Variants in PCLO observed in about 807,000 individuals in gnomAD.
PCLO encodes the protein protein piccolo.
Under a neutral mutation model 427.5 loss-of-function variants are expected in PCLO, and 82 were observed. The ratio of observed to expected loss-of-function variants is 0.19; its 90% CI spans 0.16 to 0.23. PCLO has a LOEUF of 0.23. Ranked by LOEUF, PCLO falls within the 10% of genes least tolerant of loss-of-function variation. The pLI, the probability that PCLO is intolerant of heterozygous loss-of-function variation, is 1.00. For synonymous variants in PCLO, 2,357 were observed against 2,155.4 expected (o/e 1.09, Z -2.59); for missense variants, 6,239 against 6,115.9 (o/e 1.02, Z -0.67).
chr7:82,969,145 T>C (rs781467227), intron 3 of PCLO, among the ~76,000 whole-genome samples: 1 of 152,194 alleles, frequency 6.6e-6, no homozygotes, highest in Non-Finnish European at 1.5e-5. Context: ...GAAAAATGTG[T>C]TGAGAAAATA....
chr7:82,874,233 G>C (rs919918980), intron 10 of PCLO, among the ~76,000 whole-genome samples: 13 of 150,576 alleles, frequency 8.6e-5, no homozygotes, highest in African/African-American at 2.9e-4. Flanking sequence ...TACTGGCATT[G>C]TGCTGGACAC....
chr7:82,973,452 A>T (rs1010133123), intron 3 of PCLO, among the ~76,000 whole-genome samples: 2 of 152,204 alleles, frequency 1.3e-5, no homozygotes, highest in Non-Finnish European at 2.9e-5. Context: ...TACAGTGTTG[A>T]GAAATAAAAA....
chr7:83,098,541 A>C (rs1198668913), intron 3 of PCLO, among the ~76,000 whole-genome samples: 1 of 152,190 alleles, frequency 6.6e-6, no homozygotes, highest in East Asian at 1.9e-4. Context: ...TCTGAATATT[A>C]GAATTTTGGA....
At chr7:83,148,459 T>C (rs1015655997) in intron 2 of PCLO, among the ~76,000 whole-genome samples, 8 of 152,234 alleles carry the variant, frequency 5.3e-5, no homozygotes, top group Non-Finnish European at 1.0e-4. Flanking sequence ...TTCACTCTCA[T>C]ATTCCCAGAG....
intron 3 of PCLO, among the ~76,000 whole-genome samples, chr7:83,090,233 C>T (rs187803789): frequency 6.6e-6 from 1 of 152,210 alleles, no homozygotes; most frequent in African/African-American, 2.4e-5. Context: ...ACCTGGGAGG[C>T]GGAGGTTGCC....
intron 3 of PCLO, among the ~76,000 whole-genome samples, chr7:83,121,416 A>G (rs766353513): frequency 5.9e-5 from 9 of 152,184 alleles, no homozygotes; most frequent in Non-Finnish European, 1.2e-4. Flanking sequence ...ATTAAAACAT[A>G]CCACCAGAAA....
At chr7:83,115,770 C>T (rs1193082862) in intron 3 of PCLO, among the ~76,000 whole-genome samples, 3 of 151,888 alleles carry the variant, frequency 2.0e-5, no homozygotes, top group Non-Finnish European at 4.4e-5. Context: ...CTTATATTTC[C>T]CCTTGCCAGT....
intron 2 of PCLO, among the ~76,000 whole-genome samples, chr7:83,151,197 T>C (rs1314392055): frequency 1.3e-5 from 2 of 152,120 alleles, no homozygotes; most frequent in African/African-American, 2.4e-5. Flanking sequence ...TTTTTTCTTA[T>C]AGGAAAAAAA....
At chr7:83,127,225 G>C (rs1005528743) in intron 3 of PCLO, among the ~76,000 whole-genome samples, 1 of 151,906 alleles carries the variant, frequency 6.6e-6, no homozygotes, top group South Asian at 2.1e-4. Flanking sequence ...AAGTCGGTGA[G>C]TGTTCACTTG....
intron 6 of PCLO, among the ~76,000 whole-genome samples, chr7:82,942,679 T>C (rs1463467620): frequency 6.6e-6 from 1 of 152,150 alleles, no homozygotes; most frequent in Non-Finnish European, 1.5e-5. Context: ...CCATAAATTA[T>C]TTTACTGACA....
intron 6 of PCLO, among the ~76,000 whole-genome samples, chr7:82,920,829 C>T (rs1794578217): frequency 6.6e-6 from 1 of 151,512 alleles, no homozygotes; most frequent in African/African-American, 2.4e-5. Flanking sequence ...CTGAGCTCAA[C>T]ATGAGGATGA....
At chr7:82,860,585 G>A (rs978176571) in intron 10 of PCLO, among the ~76,000 whole-genome samples, 12 of 151,944 alleles carry the variant, frequency 7.9e-5, no homozygotes, top group Non-Finnish European at 1.8e-4. Flanking sequence ...ACAAAGAAAA[G>A]GACAGTAATG....
intron 3 of PCLO, among the ~76,000 whole-genome samples, chr7:83,070,192 G>A (rs1279628695): frequency 6.6e-6 from 1 of 152,084 alleles, no homozygotes. Context: ...GAGGAATGAA[G>A]CCTTGTGCCA....
chr7:82,810,113 C>A (rs1330466971), intron 20 of PCLO, among the ~76,000 whole-genome samples: 1 of 150,774 alleles, frequency 6.6e-6, no homozygotes, highest in African/African-American at 2.4e-5. Flanking sequence ...AGTTGGAGAG[C>A]TCTGGGTTAT....
chr7:82,841,327 AT>A, intron 14 of PCLO, 131 bp downstream of exon 14: 1 of 656,710 alleles, frequency 1.5e-6, no homozygotes, highest in Non-Finnish European at 2.7e-6. Flanking sequence ...ATAAAATTGC[AT>A]TTTTCCTTTA....
intron 8 of PCLO, among the ~76,000 whole-genome samples, chr7:82,903,409 G>C (rs1183518771): frequency 6.6e-6 from 1 of 151,816 alleles, no homozygotes; most frequent in African/African-American, 2.4e-5. Flanking sequence ...CATTCCTTAG[G>C]GTAGAAGAAG....
intron 22 of PCLO, among the ~76,000 whole-genome samples, chr7:82,761,954 C>T (rs963110841): frequency 3.3e-5 from 5 of 152,014 alleles, no homozygotes; most frequent in Non-Finnish European, 7.4e-5. Flanking sequence ...ATAGATATGA[C>T]TCTATCAAGG....
intron 3 of PCLO, among the ~76,000 whole-genome samples, chr7:83,097,500 T>C (rs55961277): frequency 0.45 from 65,944 of 145,154 alleles, 15,340 homozygotes; most frequent in East Asian, 0.71. Flanking sequence ...CCAGCCTGGG[T>C]GACAGAGCAA....
At position 82,954,411 on chromosome 7, in the gene PCLO, G is replaced by T; in HGVS notation, c.6542C>A (p.Thr2181Lys). 6.2e-7 allele frequency: 1 copy of T among 1,613,948 alleles called. No individual in the cohort carries two copies. Among genetic ancestry groups the T allele is most frequent in the Non-Finnish European group, 8.5e-7 (1 of 1,179,846 alleles). ...ESATSVPPSD[T>K]PSLTSSVSSV... ...AGAAACAGATGATGTGAGAGAAGGT[G>T]TGTCAGAGGGTGGGACAGATGTAGC... The change falls in exon 5 of 25, where the codon ACA becomes AAA. Residue 2181 changes from threonine to lysine, a missense_variant. Transcript: ENST00000333891.
Sources: allele counts gnomAD v4.1 joint callset (sites outside exome capture counted in the v4.1 genomes callset), GRCh38; gene constraint gnomAD v4.1.1; transcripts MANE v1.5; gene names NCBI Gene and HGNC (gene_info 2026-07-23, HGNC 2026-07-21).